The following SUSD2 variants were observed in gnomAD, a reference collection of about 807,000 sequenced individuals.
SUSD2 encodes the protein sushi domain containing 2, also known as sushi domain-containing protein 2.
In SUSD2, 86 loss-of-function variants were observed where a neutral mutation model predicts 93.8. The observed-to-expected ratio is 0.92, with a 90% CI of 0.77 to 1.10. The LOEUF is 1.10. Among genes scored for constraint, SUSD2 ranks in the 50% least tolerant of loss-of-function variants. The probability of loss-of-function intolerance (pLI) is 0.00; values close to 1 mark genes in which losing one functional copy is unlikely to be tolerated. For synonymous variants in SUSD2, 483 were observed against 485.0 expected, an observed-to-expected ratio of 1.00 and a Z score of 0.05; for missense variants, 1,060 against 1,137.0, an observed-to-expected ratio of 0.93 and a Z score of 0.97.
intron 10 of SUSD2, chr22:24,186,957 C>G: frequency 3.4e-6 from 2 of 581,676 alleles, no homozygotes; most frequent in South Asian, 4.1e-5. Context: ...GGGACCCACA[C>G]GTGCATCTCA....
rs2047374511 is a variant in SUSD2, at chr22:24,187,329, C to T, written c.1770C>T (p.Thr590=). Residue 590 remains threonine (T), a synonymous_variant, in exon 11 of 15, where the codon ACC becomes ACT. Coordinates refer to ENST00000358321, the MANE Select transcript of SUSD2 (RefSeq NM_019601.4). ...VSVLLPEKFL[T]HTHGLLGTLN... ...TCCTGCTGCCTGAGAAGTTCCTCAC[C>T]CACACCCACGGCCTCCTCGGGACAC... 6.2e-7 allele frequency: 1 copy of T among 1,614,112 alleles called. No homozygotes were observed. Among genetic ancestry groups the T allele is most frequent in the Non-Finnish European group, 8.5e-7 (1 of 1,180,012 alleles).
rs745370307 is a variant in SUSD2, at chr22:24,185,753, G to A, written c.1163G>A (p.Arg388His). 7.5e-6 allele frequency: 12 copies of A among 1,609,080 alleles called. No individual in the cohort carries two copies. In the East Asian group the frequency reaches 1.1e-4, roughly 15 times the overall value. Residue 388 changes from arginine (R) to histidine (H), a missense_variant, in exon 8 of 15, where the codon CGC (arginine) becomes CAC (histidine). Transcript: ENST00000358321. ...TCCAGCGGCGGCAGCACTCCCGACCGCGGCCATGACTGGGGCGCACCCCCG... is the reference window on the plus strand; with the variant it reads ...TCCAGCGGCGGCAGCACTCCCGACCACGGCCATGACTGGGGCGCACCCCCG... The part of the protein sequence containing the change: ...ADSSGGSTPD[R>H]GHDWGAPPFR...
chr22:24,187,695 C>T lies in SUSD2; in HGVS notation c.2016C>T (p.Asn672=). The change falls in exon 12 of 15, where the codon AAC becomes AAT. Residue 672 remains asparagine (N), a synonymous_variant. Transcript: ENST00000358321. ...EPLFPSETTL[N]PSLAQEAAKL... ...TCTTCCCCAGTGAGACCACCCTCAACCCCAGCCTGGCACAAGAGGCAGCCA... is the reference window on the plus strand; with the variant it reads ...TCTTCCCCAGTGAGACCACCCTCAATCCCAGCCTGGCACAAGAGGCAGCCA... 1.2e-6 allele frequency: 2 copies of T among 1,614,124 alleles called. No individual in the cohort carries two copies. The highest frequency in any genetic ancestry group is 1.7e-6 in the Non-Finnish European group (2 of 1,180,038).
intron 5 of SUSD2, 43 bp from the exon 6 acceptor site, chr22:24,185,051 G>A (rs2047352394): frequency 6.2e-7 from 1 of 1,611,292 alleles, no homozygotes; most frequent in East Asian, 2.2e-5. Context: ...GCGACCATGG[G>A]GTGGTGTGGG....
chr22:24,188,043 A>G lies in SUSD2; in HGVS notation c.2249A>G (p.His750Arg), dbSNP rs1263132548. 1 of 1,612,932 alleles carries G rather than the reference A, an allele frequency of 6.2e-7. No homozygotes were observed. Among genetic ancestry groups the G allele is most frequent in the Admixed American group, 1.7e-5 (1 of 60,010 alleles). The change falls in exon 13 of 15, where the codon CAC becomes CGC. Residue 750 changes from histidine (H) to arginine (R), a missense_variant. Around this residue, in one of 2 missense-constraint regions of SUSD2, gnomAD observed 973 missense variants for 1,005.3 expected, o/e 0.97. Coordinates refer to ENST00000358321, the MANE Select transcript of SUSD2 (RefSeq NM_019601.4). The surrounding 1 kb of genome is among the most constrained non-coding windows in gnomAD (Gnocchi z 4.7). Reference sequence around the variant, plus strand: ...CTGGCGGGTTCCACCATCTACTTCCACTGTGACAACGGCTACAGCCTGGCC... The same window carrying G: ...CTGGCGGGTTCCACCATCTACTTCCGCTGTGACAACGGCTACAGCCTGGCC... ...RYLAGSTIYFHCDNGYSLAGA... is the reference protein window; with the variant it reads ...RYLAGSTIYFRCDNGYSLAGA...
At position 24,183,067 on chromosome 22, in the gene SUSD2, G is replaced by T. The variant is rs1310929840; in HGVS notation, c.87G>T (p.Glu29Asp). 1 of 1,613,714 alleles carries T rather than the reference G, an allele frequency of 6.2e-7. No homozygotes were observed. The highest frequency in any genetic ancestry group is 2.2e-5 in the East Asian group (1 of 44,892). The change falls in exon 2 of 15, where the codon GAG becomes GAT. Residue 29 changes from glutamate to aspartate, a missense_variant. Transcript: ENST00000358321. ...CATCCTCTCCTCCAGATGCCCAAGA[G>T]AGCTGCTCCATGCGCTGTGGCGCCC... The part of the protein sequence containing the change: ...PGPGPTADAQ[E>D]SCSMRCGALD...
At position 24,185,535 on chromosome 22, in the gene SUSD2, C is replaced by A. The variant is rs1238378434; in HGVS notation, c.1034C>A (p.Pro345His). The A allele has an allele frequency of 1.3e-6, 2 of 1,583,484 alleles. No individual in the cohort carries two copies. Among genetic ancestry groups the A allele is most frequent in the Non-Finnish European group, 1.7e-6 (2 of 1,164,908 alleles). ...CAGGGCAGCGTGTGCACCTACCACCCCGGGGCCGTGCACTGTGTGCGTTCT... is the reference window on the plus strand; with the variant it reads ...CAGGGCAGCGTGTGCACCTACCACCACGGGGCCGTGCACTGTGTGCGTTCT... ...MEQGSVCTYH[P>H]GAVHCVRSVQ... Residue 345 changes from proline (P) to histidine (H), a missense_variant, in exon 7 of 15, where the codon CCC (proline) becomes CAC (histidine). Physicochemically the swap from Pro to His is moderately conservative, Grantham distance 77. Transcript: ENST00000358321.
chr22:24,185,049 G>T, intron 5 of SUSD2, 45 bp from the exon 6 acceptor site: 2 of 1,610,996 alleles, frequency 1.2e-6, no homozygotes, highest in Non-Finnish European at 8.5e-7. Flanking sequence ...GGGCGACCAT[G>T]GGGTGGTGTG....
Position 24,183,548 on chromosome 22 carries a change from A to G in SUSD2, c.341A>G (p.His114Arg). The change falls in exon 3 of 15, where the codon CAC becomes CGC. Residue 114 changes from histidine (H) to arginine (R), a missense_variant. Physicochemically the swap from His to Arg is conservative, Grantham distance 29 (BLOSUM62 0). This residue lies in a region of SUSD2 where 973 missense variants were observed against 1,005.3 expected (regional missense o/e 0.97). Transcript: ENST00000358321. ...LGHVDSSGQVHCVSPLLYESG... is the reference protein window; with the variant it reads ...LGHVDSSGQVRCVSPLLYESG... The stretch of plus-strand genomic sequence containing the variant: ...CATGTGGACTCCTCCGGGCAAGTGC[A>G]CTGTGTGTCACCTCTGCTCTATGAG... The G allele has an allele frequency of 6.2e-7, 1 of 1,613,374 alleles. No individual in the cohort carries two copies. The highest frequency in any genetic ancestry group is 1.7e-4 in the Middle Eastern group (1 of 6,060).
rs540853841 is a variant in SUSD2 at position 24,185,097 on chromosome 22, C to T, written c.786C>T (p.Asp262=). 42 of 1,612,916 alleles carry T rather than the reference C, an allele frequency of 2.6e-5. No homozygotes were observed. Among genetic ancestry groups the T allele is most frequent in the African/African-American group, 1.6e-4 (12 of 75,042 alleles). The stretch of plus-strand genomic sequence containing the variant: ...TCCAGCATCATCACCTCCACAGGGA[C>T]GTGCAGGCGCTCTGGACCAACGACC... ...IDSKNYAGQK[D]VQALWTNDHA... The change falls in exon 6 of 15, where the codon GAC becomes GAT. Residue 262 remains aspartate (D), a synonymous_variant. Coordinates refer to ENST00000358321, the MANE Select transcript of SUSD2 (RefSeq NM_019601.4).
chr22:24,188,485 C>T lies in SUSD2; in HGVS notation c.*49C>T, dbSNP rs368564068. The T allele has an allele frequency of 6.5e-5, 102 of 1,580,892 alleles. No homozygotes were observed. The highest frequency in any genetic ancestry group is 7.3e-5 in the Non-Finnish European group (85 of 1,158,866). ...CCAGGCCAAGACTCCTGAGAACAGGCAGCCCAGTCCTGCGACTCCCGCATC... is the reference window on the plus strand; with the variant it reads ...CCAGGCCAAGACTCCTGAGAACAGGTAGCCCAGTCCTGCGACTCCCGCATC... On this transcript the variant is annotated 3_prime_UTR_variant, in exon 15 of 15. Transcript: ENST00000358321. This position sits in a 1 kb window ranked among gnomAD's most constrained non-coding sequence, Gnocchi z 4.7.
At position 24,184,127 on chromosome 22, in the gene SUSD2, C is replaced by T; in HGVS notation, c.440-9C>T. 2 of 1,611,760 alleles carry T rather than the reference C, an allele frequency of 1.2e-6. No individual in the cohort carries two copies. Among genetic ancestry groups the T allele is most frequent in the Non-Finnish European group, 1.7e-6 (2 of 1,179,934 alleles). On this transcript the variant is annotated splice_polypyrimidine_tract_variant and intron_variant, in intron 3 of 14. Transcript: ENST00000358321. ...AGGCCCTCACTCACCCCTCACCTCC[C>T]CTGCCCAGTGCACCCCAACAAAGTG...
Position 24,184,205 on chromosome 22 carries a change from G to A in SUSD2, c.509G>A (p.Gly170Asp). 1 of 1,613,526 alleles carries A rather than the reference G, an allele frequency of 6.2e-7. No homozygotes were observed. Among genetic ancestry groups the A allele is most frequent in the South Asian group, 1.1e-5 (1 of 91,066 alleles). ...AACGAGACGCGTTGGCAATACTACG[G>A]CACCGCCAACACCTCAGGCAACCTC... ...LVNETRWQYY[G>D]TANTSGNLSL... Residue 170 changes from glycine (G) to aspartate (D), a missense_variant, in exon 4 of 15, where the codon GGC (glycine) becomes GAC (aspartate). By Grantham distance (94) the Gly-to-Asp change is moderately conservative. Transcript: ENST00000358321.
In SUSD2 at chr22:24,187,396, C is replaced by T. The variant is rs138755052; in HGVS notation, c.1837C>T (p.Arg613Cys). The change falls in exon 11 of 15, where the codon CGC becomes TGC. Residue 613 changes from arginine (R) to cysteine (C), a missense_variant. Coordinates refer to ENST00000358321, the MANE Select transcript of SUSD2 (RefSeq NM_019601.4). ...CGACGACTTCACCCTGCACAGCGGG[C>T]GCGTCCTGCCCCCAGGCACCAGTCC... is the stretch of plus-strand genomic sequence containing the variant. ...PTDDFTLHSG[R>C]VLPPGTSPQE... The T allele has an allele frequency of 1.0e-4, 165 of 1,613,548 alleles. 4 individuals carry two copies. Among genetic ancestry groups the T allele is most frequent in the Middle Eastern group, 4.9e-4 (3 of 6,084 alleles).
At position 24,187,575 on chromosome 22, in the gene SUSD2, C is replaced by T. The variant is rs370138923; in HGVS notation, c.1896C>T (p.Thr632=). ...CCCCGGTCATGTATCTTCCAGGGAC[C>T]GTGCACAATGCGTCCTCCCTGCTCA... The part of the protein sequence containing the change: ...QELFLFGANW[T]VHNASSLLTY... The change falls in exon 12 of 15, where the codon ACC becomes ACT. Residue 632 remains threonine, a synonymous_variant. Transcript: ENST00000358321. 3 of 1,610,788 alleles carry T rather than the reference C, an allele frequency of 1.9e-6. No homozygotes were observed. The highest frequency in any genetic ancestry group is 2.2e-5 in the East Asian group (1 of 44,814).
chr22:24,186,249 C>G lies in SUSD2; in HGVS notation c.1484-8C>G, dbSNP rs771346614. 6.2e-7 allele frequency: 1 copy of G among 1,612,694 alleles called. No homozygotes were observed. The highest frequency in any genetic ancestry group is 2.2e-5 in the East Asian group (1 of 44,876). The stretch of plus-strand genomic sequence containing the variant: ...CAAGTGGCTCCCGTTCTGCTCCCAC[C>G]ACCGCAGGCACGGAGACCCGTGGCA... On this transcript the variant is annotated splice_region_variant and splice_polypyrimidine_tract_variant and intron_variant, in intron 9 of 14. Coordinates refer to ENST00000358321, the MANE Select transcript of SUSD2 (RefSeq NM_019601.4).
chr22:24,186,473 AG>A (rs1241412205), intron 10 of SUSD2, 58 bp downstream of exon 10: 2 of 1,575,416 alleles, frequency 1.3e-6, no homozygotes, highest in African/African-American at 2.7e-5. Context: ...CCATTCCTGC[AG>A]GGAGACTGAG....
rs550223148 is a variant in SUSD2 at position 24,181,854 on chromosome 22, C to T, written c.76+259C>T. ...GACCAGCAGAGGCCTCCGCCTGTGT[C>T]CCCAGCCCTGACAGGGCGGGATCAC... On this transcript the variant is annotated intron_variant, in intron 1 of 14. Transcript: ENST00000358321. Among the ~76,000 whole-genome samples, 22 of 152,316 alleles carry T rather than the reference C, an allele frequency of 1.4e-4. No individual in the cohort carries two copies. The South Asian group carries it at 3.9e-3, about 27-fold the overall frequency.
At chr22:24,181,712 T>G (rs1601337436) in intron 1 of SUSD2, 117 bp downstream of exon 1, 1 of 791,966 alleles carries the variant, frequency 1.3e-6, no homozygotes, top group East Asian at 3.2e-5. Context: ...TCTGTGGCTG[T>G]GCTAGGGGTG....
Sources: gnomAD v4.1 joint callset for allele counts (sites outside exome capture counted in the v4.1 genomes callset) on GRCh38, gnomAD v4.1.1 for gene constraint, gnomAD v4.1.1 regional missense constraint, Gnocchi (gnomAD v3.1) non-coding constraint, MANE v1.5 for transcripts, NCBI Gene and HGNC (gene_info 2026-07-23, HGNC 2026-07-21) for gene names.